STK33: variants seen among roughly 807,000 people sequenced by gnomAD.
The protein encoded by STK33 is serine/threonine kinase 33, also known as serine/threonine-protein kinase 33.
Under a neutral mutation model 58.0 loss-of-function variants are expected in STK33, and 52 were observed. The ratio of observed to expected loss-of-function variants is 0.90; its 90% CI spans 0.72 to 1.13. The LOEUF (loss-of-function observed/expected upper bound fraction) is 1.13. STK33 is among the 50% of genes most tolerant of loss of function. The probability of loss-of-function intolerance (pLI) is 0.00; values close to 1 mark genes in which losing one functional copy is unlikely to be tolerated. For synonymous variants in STK33, 215 were observed against 200.1 expected (o/e 1.07, Z -0.63); for missense variants, 630 against 604.2 (o/e 1.04, Z -0.45).
the STK33 span, among the ~76,000 whole-genome samples, chr11:8,344,934 C>A: frequency 2.0e-5 from 3 of 152,204 alleles, no homozygotes; most frequent in Non-Finnish European, 4.4e-5. Context: ...AGGGCACTTC[C>A]CATGTGCCTC....
chr11:8,468,479 C>G (rs549571716), intron 6 of STK33, among the ~76,000 whole-genome samples: 1 of 152,318 alleles, frequency 6.6e-6, no homozygotes, highest in East Asian at 1.9e-4. Context: ...TTACTCACCT[C>G]CTTCATGAAG....
intron 1 of STK33, among the ~76,000 whole-genome samples, chr11:8,487,900 T>A (rs973699465): frequency 1.3e-5 from 2 of 152,232 alleles, no homozygotes; most frequent in Non-Finnish European, 2.9e-5. Flanking sequence ...CATGTGTGAA[T>A]GAATGAATAT....
intron 1 of STK33, among the ~76,000 whole-genome samples, chr11:8,575,054 G>A (rs1157386500): frequency 6.6e-6 from 1 of 151,996 alleles, no homozygotes; most frequent in African/African-American, 2.4e-5. Context: ...AAAAAAAGGG[G>A]GAAGGGAAAG....
chr11:8,408,738 A>G (rs1939697377), intron 15 of STK33, among the ~76,000 whole-genome samples: 1 of 152,204 alleles, frequency 6.6e-6, no homozygotes, highest in African/African-American at 2.4e-5. Flanking sequence ...CATGGCTATG[A>G]CTTATTACAG....
chr11:8,559,421 G>C (rs1956978952), intron 1 of STK33, among the ~76,000 whole-genome samples: 1 of 152,056 alleles, frequency 6.6e-6, no homozygotes, highest in Non-Finnish European at 1.5e-5. Flanking sequence ...CATTTCATCT[G>C]GTTTTAATTA....
At chr11:8,338,438 A>T in the STK33 span, among the ~76,000 whole-genome samples, 1 of 152,194 alleles carries the variant, frequency 6.6e-6, no homozygotes, top group Non-Finnish European at 1.5e-5. Flanking sequence ...ATCAGTTATC[A>T]GGAACAGGCC....
In STK33 at chr11:8,511,765, T is replaced by C. The variant is rs556753416; in HGVS notation, c.-465-31151A>G. Among the ~76,000 whole-genome samples, 63 of 152,330 alleles carry C rather than the reference T, an allele frequency of 4.1e-4. 1 individual carries two copies. Among genetic ancestry groups the C allele is most frequent in the Non-Finnish European group, 6.5e-4 (44 of 68,012 alleles). On this transcript the variant is annotated intron_variant, in intron 1 of 15. Transcript: ENST00000687296. ...TGATTTTTGTTTTTAATTCTGTTTA[T>C]GTGATATATCACATTTACTGACTTG...
chr11:8,570,755 G>A (rs1178643292), intron 1 of STK33, among the ~76,000 whole-genome samples: 11 of 152,144 alleles, frequency 7.2e-5, no homozygotes, highest in Admixed American at 7.2e-4. Context: ...GGGAATTTTG[G>A]GGGGGTGATG....
At chr11:8,451,715 G>T (rs544200672) in intron 11 of STK33, among the ~76,000 whole-genome samples, 25 of 152,186 alleles carry the variant, frequency 1.6e-4, no homozygotes, top group African/African-American at 5.5e-4. Flanking sequence ...AAAAATCATT[G>T]TATTTTTATT....
At chr11:8,408,782 A>G (rs1939704119) in intron 15 of STK33, among the ~76,000 whole-genome samples, 1 of 152,236 alleles carries the variant, frequency 6.6e-6, no homozygotes, top group African/African-American at 2.4e-5. Context: ...GCAAAAGGAA[A>G]AGACACTTCA....
intron 1 of STK33, among the ~76,000 whole-genome samples, chr11:8,554,066 C>T (rs1009060570): frequency 6.6e-6 from 1 of 151,952 alleles, no homozygotes; most frequent in Non-Finnish European, 1.5e-5. Flanking sequence ...GGATTAATAT[C>T]CAAAATATGT....
chr11:8,489,986 G>C lies in STK33; in HGVS notation c.-465-9372C>G, dbSNP rs565649087. Among the ~76,000 whole-genome samples, 35 of 152,220 alleles carry C rather than the reference G, an allele frequency of 2.3e-4. 1 individual carries two copies. The highest frequency in any genetic ancestry group is 8.4e-4 in the African/African-American group (35 of 41,538). Reference sequence around the variant, plus strand: ...CGAATAGGAACAGCTCTGGTCTACAGCTCCCACTGTGATCAACGCAGAAGA... The same window carrying C: ...CGAATAGGAACAGCTCTGGTCTACACCTCCCACTGTGATCAACGCAGAAGA... On this transcript the variant is annotated intron_variant, in intron 1 of 15. Coordinates refer to ENST00000687296, the MANE Select transcript of STK33 (RefSeq NM_001352389.2).
chr11:8,363,689 C>A, the STK33 span, among the ~76,000 whole-genome samples: 1 of 152,246 alleles, frequency 6.6e-6, no homozygotes, highest in Non-Finnish European at 1.5e-5. Context: ...ATTGAAATCA[C>A]ACGGGGAGAT....
At chr11:8,488,483 G>A (rs912583837) in intron 1 of STK33, among the ~76,000 whole-genome samples, 1 of 152,010 alleles carries the variant, frequency 6.6e-6, no homozygotes, top group Non-Finnish European at 1.5e-5. Context: ...TGAAGGCTAA[G>A]GTAAGTTGTC....
At chr11:8,379,401 G>A in the STK33 span, among the ~76,000 whole-genome samples, 1 of 151,986 alleles carries the variant, frequency 6.6e-6, no homozygotes, top group Non-Finnish European at 1.5e-5. Context: ...TGCATCAAAC[G>A]AAGAACTAAT....
chr11:8,364,782 C>G, the STK33 span, among the ~76,000 whole-genome samples: 3 of 152,270 alleles, frequency 2.0e-5, no homozygotes, highest in South Asian at 6.2e-4. Context: ...TTATTTATCC[C>G]TTCTTCTGTT....
chr11:8,426,199 G>A (rs1942722263), intron 14 of STK33, among the ~76,000 whole-genome samples: 1 of 152,194 alleles, frequency 6.6e-6, no homozygotes, highest in African/African-American at 2.4e-5. Context: ...GAAGGGAGAT[G>A]GAGTGGGAAG....
In STK33 at chr11:8,495,301, C is replaced by A. The variant is rs559580875; in HGVS notation, c.-465-14687G>T. 2.0e-3 allele frequency among the ~76,000 whole-genome samples: 302 copies of A among 152,284 alleles called. 1 individual carries two copies. Among genetic ancestry groups the A allele is most frequent in the African/African-American group, 7.1e-3 (296 of 41,546 alleles). ...AGTGGGCAAAGGATATGAACAGACA[C>A]TTCTCAAAAGAAGACATTTTTGCAG... On this transcript the variant is annotated intron_variant, in intron 1 of 15. Transcript: ENST00000687296.
the STK33 span, among the ~76,000 whole-genome samples, chr11:8,356,124 C>T: frequency 1.3e-5 from 2 of 152,196 alleles, no homozygotes; most frequent in Non-Finnish European, 2.9e-5. Context: ...TACATCCTTT[C>T]AGAGCACAGA....
Sources: gnomAD v4.1 joint callset for allele counts (sites outside exome capture counted in the v4.1 genomes callset) on GRCh38, gnomAD v4.1.1 for gene constraint, MANE v1.5 for transcripts, NCBI Gene and HGNC (gene_info 2026-07-23, HGNC 2026-07-21) for gene names.